The following IMMP2L variants were observed in gnomAD, a reference collection of about 807,000 sequenced individuals.
The protein encoded by IMMP2L is mitochondrial inner membrane protease subunit 2.
IMMP2L carries 18 observed loss-of-function variants against 19.3 expected under a neutral mutation model. The ratio of observed to expected loss-of-function variants is 0.93; its 90% CI spans 0.64 to 1.38. The LOEUF is 1.38. Ranked by LOEUF, IMMP2L falls within the 40% of genes most tolerant of loss-of-function variation. The probability of loss-of-function intolerance (pLI) is 0.00; values close to 1 mark genes in which losing one functional copy is unlikely to be tolerated. For missense variants in IMMP2L, 233 were observed against 218.2 expected (o/e 1.07, Z -0.43); for synonymous variants, 76 against 73.0 (o/e 1.04, Z -0.21).
intron 4 of IMMP2L, among the ~76,000 whole-genome samples, chr7:110,887,663 A>G (rs1027141459): frequency 7.2e-5 from 11 of 151,894 alleles, no homozygotes; most frequent in African/African-American, 2.7e-4. Context: ...GATACAACCA[A>G]CTAAACGAAA....
chr7:111,312,755 T>TA (rs1467584967), intron 3 of IMMP2L, among the ~76,000 whole-genome samples: 1 of 152,138 alleles, frequency 6.6e-6, no homozygotes, highest in Non-Finnish European at 1.5e-5. Context: ...CTGGCAATGA[T>TA]ATACTATTGT....
intron 2 of IMMP2L, among the ~76,000 whole-genome samples, chr7:111,504,943 A>G (rs997689640): frequency 6.6e-6 from 1 of 152,028 alleles, no homozygotes; most frequent in Non-Finnish European, 1.5e-5. Flanking sequence ...CACCAAAAGC[A>G]ATGGCAACAA....
intron 4 of IMMP2L, among the ~76,000 whole-genome samples, chr7:110,958,252 G>T (rs1411979215): frequency 1.3e-5 from 2 of 151,952 alleles, no homozygotes; most frequent in African/African-American, 4.8e-5. Context: ...AGGAAAATTT[G>T]GCAGTATATA....
At chr7:110,829,535 A>G (rs1803777304) in intron 5 of IMMP2L, among the ~76,000 whole-genome samples, 1 of 152,148 alleles carries the variant, frequency 6.6e-6, no homozygotes, top group African/African-American at 2.4e-5. Flanking sequence ...AATTCTAAAA[A>G]CGAAAAAATA....
chr7:110,925,662 T>A (rs1814766506), intron 4 of IMMP2L, among the ~76,000 whole-genome samples: 1 of 152,106 alleles, frequency 6.6e-6, no homozygotes, highest in Admixed American at 6.6e-5. Context: ...AAGTAGTCCA[T>A]GTAATTATCT....
chr7:110,930,015 G>C (rs1392998707), intron 4 of IMMP2L, among the ~76,000 whole-genome samples: 2 of 152,108 alleles, frequency 1.3e-5, no homozygotes, highest in Non-Finnish European at 2.9e-5. Flanking sequence ...TTTAGTCTTA[G>C]CTCAGGAGAA....
At chr7:110,781,612 A>C (rs1410130750) in intron 5 of IMMP2L, among the ~76,000 whole-genome samples, 5 of 151,810 alleles carry the variant, frequency 3.3e-5, no homozygotes, top group Non-Finnish European at 7.4e-5. Flanking sequence ...TCCAAAATGG[A>C]CTAAAATATT....
intron 1 of IMMP2L, among the ~76,000 whole-genome samples, chr7:111,534,700 A>G (rs1335873152): frequency 6.6e-6 from 1 of 152,176 alleles, no homozygotes; most frequent in African/African-American, 2.4e-5. Flanking sequence ...GTCTTATGTG[A>G]AAGCTATGCT....
chr7:110,702,608 A>G (rs1794358108), intron 5 of IMMP2L, among the ~76,000 whole-genome samples: 2 of 152,146 alleles, frequency 1.3e-5, no homozygotes, highest in Admixed American at 6.5e-5. Context: ...AATGTTTTGT[A>G]GTTCTCAGAA....
In IMMP2L at chr7:111,013,601, G is replaced by A. The variant is rs564707588; in HGVS notation, c.240-50036C>T. Among the ~76,000 whole-genome samples the A allele has an allele frequency of 1.8e-3, 267 of 152,154 alleles. 1 individual carries two copies. Among genetic ancestry groups the A allele is most frequent in the African/African-American group, 5.3e-3 (219 of 41,514 alleles). ...GGAGAAGAGGAGGATTTGAGTGCAA[G>A]CAGGTTATGTTCACAGGCATCACTC... is the stretch of plus-strand genomic sequence containing the variant. On this transcript the variant is annotated intron_variant, in intron 3 of 5. Coordinates refer to ENST00000405709, the MANE Select transcript of IMMP2L (RefSeq NM_032549.4).
At chr7:110,663,747 A>C in intron 5 of IMMP2L, 26 bp from the exon 6 acceptor site, 5 of 1,475,230 alleles carry the variant, frequency 3.4e-6, no homozygotes, top group Non-Finnish European at 4.6e-6. Flanking sequence ...ACAGAAAGAA[A>C]GCAATAAAGA....
At chr7:111,393,517 C>T (rs1832587408) in intron 3 of IMMP2L, among the ~76,000 whole-genome samples, 1 of 152,092 alleles carries the variant, frequency 6.6e-6, no homozygotes, top group African/African-American at 2.4e-5. Flanking sequence ...CTGCTGTGCT[C>T]AGGGAATATC....
intron 3 of IMMP2L, among the ~76,000 whole-genome samples, chr7:111,234,626 C>T (rs78400289): frequency 2.4e-3 from 363 of 152,068 alleles, no homozygotes; most frequent in Non-Finnish European, 4.3e-3. Context: ...TTTATCTGCC[C>T]TCAGCCTCTT....
chr7:111,265,820 G>C (rs2130003738), intron 3 of IMMP2L, among the ~76,000 whole-genome samples: 1 of 152,266 alleles, frequency 6.6e-6, no homozygotes, highest in African/African-American at 2.4e-5. Context: ...ACAAGCATTT[G>C]TGGTCAAGAA....
At position 111,412,687 on chromosome 7, in the gene IMMP2L, A is replaced by T. The variant is rs1834542295; in HGVS notation, c.239+74551T>A. ...ACTAAAAATCACATAGGGAGTTTTT[A>T]AAAATCCCATTGTACCTCATATCAA... On this transcript the variant is annotated intron_variant, in intron 3 of 5. Coordinates refer to ENST00000405709, the MANE Select transcript of IMMP2L (RefSeq NM_032549.4). 1.3e-5 allele frequency among the ~76,000 whole-genome samples: 2 copies of T among 151,906 alleles called. 1 individual carries two copies. The highest frequency in any genetic ancestry group is 4.9e-5 in the African/African-American group (2 of 41,206).
chr7:111,356,067 T>C (rs1018804615), intron 3 of IMMP2L, among the ~76,000 whole-genome samples: 6 of 152,102 alleles, frequency 3.9e-5, no homozygotes, highest in African/African-American at 1.4e-4. Context: ...AATTTAAACA[T>C]TAAATTTAAA....
intron 5 of IMMP2L, among the ~76,000 whole-genome samples, chr7:110,748,464 A>C (rs2130905492): frequency 6.6e-6 from 1 of 152,290 alleles, no homozygotes; most frequent in East Asian, 1.9e-4. Context: ...AGAAAGAAAA[A>C]ACCTGGAGGC....
At chr7:110,679,499 GA>G (rs781602307) in intron 5 of IMMP2L, among the ~76,000 whole-genome samples, 1 of 152,060 alleles carries the variant, frequency 6.6e-6, no homozygotes, top group Non-Finnish European at 1.5e-5. Context: ...GGAGAGGTGT[GA>G]AAGGCTTTAA....
intron 3 of IMMP2L, among the ~76,000 whole-genome samples, chr7:111,131,603 A>C (rs542994180): frequency 6.6e-6 from 1 of 152,058 alleles, no homozygotes; most frequent in South Asian, 2.1e-4. Flanking sequence ...TTACAATATG[A>C]CAGGCATGCT....
Sources: allele counts gnomAD v4.1 joint callset (sites outside exome capture counted in the v4.1 genomes callset), GRCh38; gene constraint gnomAD v4.1.1; transcripts MANE v1.5; gene names NCBI Gene and HGNC (gene_info 2026-07-23, HGNC 2026-07-21).